PARD3B: variants seen among roughly 807,000 people sequenced by gnomAD.
PARD3B encodes the protein par-3 family cell polarity regulator beta.
PARD3B carries 103 observed loss-of-function variants against 130.2 expected under a neutral mutation model. The ratio of observed to expected loss-of-function variants is 0.79; its 90% CI spans 0.67 to 0.93. The LOEUF is 0.93. Ranked by LOEUF, PARD3B falls within the 40% of genes least tolerant of loss-of-function variation. The pLI is 0.00. For synonymous variants in PARD3B, 583 were observed against 553.2 expected, an observed-to-expected ratio of 1.05 and a Z score of -0.76; for missense variants, 1,609 against 1,499.2, an observed-to-expected ratio of 1.07 and a Z score of -1.21.
intron 1 of PARD3B, among the ~76,000 whole-genome samples, chr2:204,638,360 A>G (rs1043906026): frequency 1.1e-4 from 17 of 152,214 alleles, no homozygotes; most frequent in African/African-American, 3.6e-4. Context: ...ACTTTATGTA[A>G]CAGTTACTAG....
chr2:205,548,525 C>T (rs1001409755), intron 21 of PARD3B, among the ~76,000 whole-genome samples: 3 of 152,110 alleles, frequency 2.0e-5, no homozygotes, highest in African/African-American at 7.2e-5. Flanking sequence ...TCCTATTGCT[C>T]TTACCTCTTT....
At chr2:205,278,017 A>C (rs899017298) in intron 16 of PARD3B, among the ~76,000 whole-genome samples, 2 of 152,128 alleles carry the variant, frequency 1.3e-5, no homozygotes, top group Non-Finnish European at 2.9e-5. Context: ...TGTGAGAAGA[A>C]CCAGGTAGCA....
chr2:205,533,148 C>A (rs112609395), intron 21 of PARD3B, among the ~76,000 whole-genome samples: 1 of 152,060 alleles, frequency 6.6e-6, no homozygotes, highest in Non-Finnish European at 1.5e-5. Context: ...TTTTTTCACT[C>A]AAGGAAAATA....
rs1381618427 is a variant in PARD3B at position 204,890,136 on chromosome 2, G to A, written c.223-75016G>A. ...TTTGCCTTCTCCGCCTTCTCCGCATGCCAGCAGGAGCACTCACCACACTGC... is the reference window on the plus strand; with the variant it reads ...TTTGCCTTCTCCGCCTTCTCCGCATACCAGCAGGAGCACTCACCACACTGC... On this transcript the variant is annotated intron_variant, in intron 2 of 22. Transcript: ENST00000406610. This position sits in a 1 kb window ranked among gnomAD's most constrained non-coding sequence, Gnocchi z 4.9. Among the ~76,000 whole-genome samples the A allele has an allele frequency of 6.6e-6, 1 of 152,190 alleles. No individual in the cohort carries two copies. Among genetic ancestry groups the A allele is most frequent in the Admixed American group, 6.5e-5 (1 of 15,278 alleles).
chr2:204,716,196 C>A (rs1477705767), intron 2 of PARD3B, among the ~76,000 whole-genome samples: 8 of 152,036 alleles, frequency 5.3e-5, no homozygotes, highest in Admixed American at 4.6e-4. Context: ...GTAATAGTCT[C>A]CAGTCTGGTT....
chr2:204,736,651 G>A lies in PARD3B; in HGVS notation c.222+50369G>A, dbSNP rs561843393. Among the ~76,000 whole-genome samples, 3 of 152,222 alleles carry A rather than the reference G, an allele frequency of 2.0e-5. No homozygotes were observed. In the South Asian group the frequency reaches 6.2e-4, roughly 32 times the overall value. On this transcript the variant is annotated intron_variant, in intron 2 of 22. Transcript: ENST00000406610. ...CTGAGTAGTATTCCATAGTGTATAT[G>A]TACCACATTTTCTTTATCCACTTGG... is the stretch of plus-strand genomic sequence containing the variant.
At chr2:205,060,665 T>G (rs1322098771) in intron 4 of PARD3B, among the ~76,000 whole-genome samples, 1 of 152,150 alleles carries the variant, frequency 6.6e-6, no homozygotes, top group East Asian at 1.9e-4. Flanking sequence ...TAATATATGT[T>G]AATAATAGTG....
At chr2:205,055,686 A>G (rs939874355) in intron 4 of PARD3B, among the ~76,000 whole-genome samples, 2 of 152,106 alleles carry the variant, frequency 1.3e-5, no homozygotes, top group African/African-American at 4.8e-5. Flanking sequence ...CATCCAAACT[A>G]GTGACTTCAA....
chr2:204,657,339 T>C (rs2035672458), intron 1 of PARD3B, among the ~76,000 whole-genome samples: 1 of 152,110 alleles, frequency 6.6e-6, no homozygotes, highest in Admixed American at 6.6e-5. Flanking sequence ...TGAAACCTCA[T>C]CTCTACCAAA....
chr2:205,402,828 G>A (rs559240295), intron 19 of PARD3B, among the ~76,000 whole-genome samples: 42 of 152,288 alleles, frequency 2.8e-4, no homozygotes, highest in African/African-American at 1.0e-3. Flanking sequence ...CATCTGATAG[G>A]GGTTTCCTAG....
intron 1 of PARD3B, among the ~76,000 whole-genome samples, chr2:204,547,352 G>A (rs575714138): frequency 2.6e-5 from 4 of 152,108 alleles, no homozygotes; most frequent in South Asian, 2.1e-4. Context: ...TACAATGAAA[G>A]GTCTATTAAT....
intron 3 of PARD3B, among the ~76,000 whole-genome samples, chr2:204,978,054 G>A (rs1244646291): frequency 6.6e-6 from 1 of 152,100 alleles, no homozygotes; most frequent in Non-Finnish European, 1.5e-5. Flanking sequence ...CTGGTCTCCT[G>A]CTGATCCTTC....
chr2:205,524,901 T>A (rs568978068), intron 21 of PARD3B, among the ~76,000 whole-genome samples: 88 of 152,290 alleles, frequency 5.8e-4, no homozygotes, highest in Non-Finnish European at 5.0e-4. Context: ...TGGTGCAAGT[T>A]TCACCTGTTT....
At chr2:205,112,404 A>G (rs935998250) in intron 5 of PARD3B, among the ~76,000 whole-genome samples, 2 of 152,124 alleles carry the variant, frequency 1.3e-5, no homozygotes, top group Admixed American at 6.5e-5. Context: ...TGAATTCATC[A>G]TGCATTTTGC....
intron 2 of PARD3B, among the ~76,000 whole-genome samples, chr2:204,721,709 A>G (rs1167215103): frequency 6.6e-6 from 1 of 152,180 alleles, no homozygotes; most frequent in Admixed American, 6.5e-5. Flanking sequence ...AAGGTATTTT[A>G]GTAGTCAGTA....
intron 4 of PARD3B, among the ~76,000 whole-genome samples, chr2:205,076,040 A>G (rs1384480916): frequency 6.6e-6 from 1 of 152,208 alleles, no homozygotes; most frequent in Non-Finnish European, 1.5e-5. Context: ...TTCGTGCAGT[A>G]TCCTGTGTCT....
chr2:205,335,496 A>T (rs183274824), intron 18 of PARD3B, among the ~76,000 whole-genome samples: 55 of 152,324 alleles, frequency 3.6e-4, no homozygotes, highest in Admixed American at 7.8e-4. Context: ...GAGCTGTAGT[A>T]GGAAGAGCTT....
intron 18 of PARD3B, among the ~76,000 whole-genome samples, chr2:205,335,986 G>C (rs1157596319): frequency 1.3e-5 from 2 of 152,176 alleles, no homozygotes; most frequent in Non-Finnish European, 2.9e-5. Flanking sequence ...AATTGTGATA[G>C]TTACAATTCA....
At position 205,458,231 on chromosome 2, in the gene PARD3B, C is replaced by T. The variant is rs1336846141; in HGVS notation, c.3044+17559C>T. The stretch of plus-strand genomic sequence containing the variant: ...GAAAAATTCTCAGCTGGTCACACCT[C>T]TTCAGAATTGTTTCTGTTCCCTCCT... On this transcript the variant is annotated intron_variant, in intron 20 of 22. Transcript: ENST00000406610. This position sits in a 1 kb window ranked among gnomAD's most constrained non-coding sequence, Gnocchi z 4.8. 6.6e-6 allele frequency among the ~76,000 whole-genome samples: 1 copy of T among 152,090 alleles called. No homozygotes were observed. Among genetic ancestry groups the T allele is most frequent in the African/African-American group, 2.4e-5 (1 of 41,428 alleles).
Sources: gnomAD v4.1 joint callset for allele counts (sites outside exome capture counted in the v4.1 genomes callset) on GRCh38, gnomAD v4.1.1 for gene constraint, Gnocchi (gnomAD v3.1) non-coding constraint, MANE v1.5 for transcripts, NCBI Gene and HGNC (gene_info 2026-07-23, HGNC 2026-07-21) for gene names.